The following C12orf42 variants were observed in gnomAD, a reference collection of about 807,000 sequenced individuals.
The protein encoded by C12orf42 is uncharacterized protein C12orf42.
A neutral mutation model predicts 21.6 loss-of-function variants in C12orf42; 25 were observed. The ratio of observed to expected loss-of-function variants is 1.16; its 90% CI spans 0.84 to 1.62. The LOEUF is 1.62. Among genes scored for constraint, C12orf42 ranks in the 40% most tolerant of loss-of-function variants. The pLI, the probability that C12orf42 is intolerant of heterozygous loss-of-function variation, is 0.00. For synonymous variants in C12orf42, 174 were observed against 175.0 expected (o/e 0.99, Z 0.05); for missense variants, 483 against 459.3 (o/e 1.05, Z -0.47).
At chr12:103,417,259 G>T (rs1002470110) in intron 2 of C12orf42, among the ~76,000 whole-genome samples, 3 of 152,126 alleles carry the variant, frequency 2.0e-5, no homozygotes, top group Non-Finnish European at 2.9e-5. Flanking sequence ...TGATTTAAAG[G>T]GTAAACCTAA....
chr12:103,162,171 A>G, the C12orf42 span, among the ~76,000 whole-genome samples: 2 of 152,128 alleles, frequency 1.3e-5, no homozygotes, highest in Non-Finnish European at 2.9e-5. Context: ...CCTTTGTCCT[A>G]TGTCCCTTGA....
intron 10 of C12orf42, among the ~76,000 whole-genome samples, chr12:103,261,565 A>G (rs1474942006): frequency 6.6e-6 from 1 of 151,642 alleles, no homozygotes; most frequent in African/African-American, 2.4e-5. Context: ...TCCGTCTTCC[A>G]TAATACTTAA....
chr12:103,191,381 T>C, the C12orf42 span, among the ~76,000 whole-genome samples: 5 of 151,464 alleles, frequency 3.3e-5, no homozygotes, highest in South Asian at 1.0e-3. Flanking sequence ...ACTGTAATGG[T>C]GGTGCATGAA....
intron 2 of C12orf42, among the ~76,000 whole-genome samples, chr12:103,403,817 C>T (rs1255767136): frequency 6.6e-6 from 1 of 152,056 alleles, no homozygotes; most frequent in Non-Finnish European, 1.5e-5. Context: ...AGTAGTCAAC[C>T]TTTGCCCAGG....
the C12orf42 span, among the ~76,000 whole-genome samples, chr12:103,527,285 T>A: frequency 6.6e-6 from 1 of 152,164 alleles, no homozygotes; most frequent in Admixed American, 6.5e-5. Context: ...AGGGGGTTAC[T>A]CTGAGGGAAA....
chr12:103,392,801 A>G (rs1054426159), intron 3 of C12orf42, among the ~76,000 whole-genome samples: 1 of 152,242 alleles, frequency 6.6e-6, no homozygotes, highest in Admixed American at 6.5e-5. Context: ...CTAGTAATAC[A>G]TGAGGAAAGG....
the C12orf42 span, chr12:103,558,761 A>G: frequency 6.6e-6 from 1 of 152,218 alleles, no homozygotes; most frequent in Non-Finnish European, 1.5e-5. Flanking sequence ...GTGATCAAAA[A>G]CAGACCCTAC....
rs181414729 is a variant in C12orf42 at position 103,254,679 on chromosome 12, C to T, written c.*1366+8647G>A. Among the ~76,000 whole-genome samples, 15 of 152,296 alleles carry T rather than the reference C, an allele frequency of 9.8e-5. 1 individual carries two copies. The Middle Eastern group carries it at 0.031, about 311-fold the overall frequency. On this transcript the variant is annotated intron_variant and NMD_transcript_variant, in intron 10 of 10. Transcript: ENST00000547347. ...TACGGGAACAGAAAACAAAACACTG[C>T]GTGTCCTCACTTATAAGTGGGAGCT...
chr12:103,502,486 C>T, the C12orf42 span, among the ~76,000 whole-genome samples: 13 of 152,204 alleles, frequency 8.5e-5, no homozygotes, highest in Admixed American at 7.8e-4. Flanking sequence ...CCTTTACAAA[C>T]ACACCTCCCG....
At chr12:103,400,196 C>A (rs999472496) in intron 3 of C12orf42, among the ~76,000 whole-genome samples, 1 of 152,148 alleles carries the variant, frequency 6.6e-6, no homozygotes, top group Non-Finnish European at 1.5e-5. Flanking sequence ...CTACATAGGA[C>A]TGCACTCACT....
chr12:103,191,668 G>C, the C12orf42 span, among the ~76,000 whole-genome samples: 1 of 149,950 alleles, frequency 6.7e-6, no homozygotes, highest in Admixed American at 6.7e-5. Flanking sequence ...TAGAGACCAG[G>C]AGGTCCAGAC....
At chr12:103,129,112 T>G in the C12orf42 span, among the ~76,000 whole-genome samples, 1 of 152,168 alleles carries the variant, frequency 6.6e-6, no homozygotes, top group Non-Finnish European at 1.5e-5. Context: ...CTTTGATCTT[T>G]GGTAAGCACT....
At chr12:103,131,108 C>T in the C12orf42 span, among the ~76,000 whole-genome samples, 4 of 152,206 alleles carry the variant, frequency 2.6e-5, no homozygotes, top group Non-Finnish European at 4.4e-5. Flanking sequence ...TAGATGGTGG[C>T]GGGTGTCCTA....
chr12:103,418,438 G>A (rs2049561411), intron 2 of C12orf42, among the ~76,000 whole-genome samples: 1 of 152,168 alleles, frequency 6.6e-6, no homozygotes, highest in South Asian at 2.1e-4. Flanking sequence ...AGAAAATAGA[G>A]TGTTTGTAAA....
chr12:103,380,133 T>G (rs1343263247), intron 3 of C12orf42, among the ~76,000 whole-genome samples: 1 of 152,202 alleles, frequency 6.6e-6, no homozygotes, highest in Non-Finnish European at 1.5e-5. Context: ...CCATGATAAT[T>G]TCATTATCTA....
chr12:103,283,912 C>T (rs1024036543), intron 4 of C12orf42, among the ~76,000 whole-genome samples: 2 of 152,156 alleles, frequency 1.3e-5, no homozygotes, highest in East Asian at 1.9e-4. Context: ...AACAATTTTC[C>T]GGGCAAATGC....
At chr12:103,401,454 T>C (rs2047985402) in intron 3 of C12orf42, among the ~76,000 whole-genome samples, 153 bp downstream of exon 3, 1 of 152,230 alleles carries the variant, frequency 6.6e-6, no homozygotes, top group Admixed American at 6.5e-5. Context: ...AGGAAATGTC[T>C]TTTAACATTC....
chr12:103,066,045 GC>G, the C12orf42 span, among the ~76,000 whole-genome samples: 1 of 152,134 alleles, frequency 6.6e-6, no homozygotes, highest in African/African-American at 2.4e-5. Flanking sequence ...TCTTTGGCAG[GC>G]CCCCCTAGGT....
intron 4 of C12orf42, among the ~76,000 whole-genome samples, chr12:103,343,124 T>C (rs2042302549): frequency 6.6e-6 from 1 of 152,184 alleles, no homozygotes; most frequent in South Asian, 2.1e-4. Context: ...CATTTGCAAG[T>C]GAAAACAAAC....
Sources: allele counts gnomAD v4.1 joint callset (sites outside exome capture counted in the v4.1 genomes callset), GRCh38; gene constraint gnomAD v4.1.1; transcripts MANE v1.5; gene names NCBI Gene and HGNC (gene_info 2026-07-23, HGNC 2026-07-21).